Variants in UBE3D observed in about 807,000 individuals in gnomAD.
The protein encoded by UBE3D is E3 ubiquitin-protein ligase E3D.
In UBE3D, 48 loss-of-function variants were observed where a neutral mutation model predicts 49.6. That is an observed-to-expected ratio of 0.97 (90% confidence interval 0.77 to 1.23). UBE3D has a LOEUF of 1.23. UBE3D is among the 50% of genes most tolerant of loss of function. UBE3D has a pLI of 0.00. For synonymous variants in UBE3D, 189 were observed against 174.2 expected (o/e 1.08, Z -0.67); for missense variants, 452 against 468.4 (o/e 0.96, Z 0.32).
At chr6:83,007,227 T>A (rs1780039448) in intron 8 of UBE3D, among the ~76,000 whole-genome samples, 1 of 152,202 alleles carries the variant, frequency 6.6e-6, no homozygotes, top group South Asian at 2.1e-4. Flanking sequence ...CATTTCATCA[T>A]CATTTTTCCT....
At chr6:82,950,870 C>CA (rs1415475250) in intron 9 of UBE3D, among the ~76,000 whole-genome samples, 1 of 152,004 alleles carries the variant, frequency 6.6e-6, no homozygotes, top group Non-Finnish European at 1.5e-5. Flanking sequence ...ACAAACTTTG[C>CA]ATGTTCTCAC....
intron 9 of UBE3D, among the ~76,000 whole-genome samples, chr6:82,901,137 G>T (rs558799153): frequency 6.6e-6 from 1 of 152,156 alleles, no homozygotes; most frequent in African/African-American, 2.4e-5. Context: ...GGACAATTCC[G>T]TATAGCTGTT....
chr6:82,970,114 GATATA>G (rs987236406), intron 8 of UBE3D, among the ~76,000 whole-genome samples: 17 of 147,772 alleles, frequency 1.2e-4, no homozygotes, highest in African/African-American at 1.2e-4. Context: ...AATAGAACAT[GATATA>G]ATATACTAGA....
intron 3 of UBE3D, among the ~76,000 whole-genome samples, chr6:83,048,478 A>AC: frequency 6.6e-6 from 1 of 152,206 alleles, no homozygotes; most frequent in East Asian, 1.9e-4. Flanking sequence ...CAATAAACAA[A>AC]CCCTCAATAC....
intron 9 of UBE3D, among the ~76,000 whole-genome samples, chr6:82,957,041 A>G (rs1365309742): frequency 6.6e-6 from 1 of 152,058 alleles, no homozygotes; most frequent in Non-Finnish European, 1.5e-5. Context: ...AGGCATGAGA[A>G]TTGCTTAAAC....
In UBE3D at chr6:83,065,766, C is replaced by A; in HGVS notation, c.-48G>T. On this transcript the variant is annotated 5_prime_UTR_variant, in exon 1 of 10. Coordinates refer to ENST00000369747, the MANE Select transcript of UBE3D (RefSeq NM_198920.3). Reference sequence around the variant, plus strand: ...GGACCAAGCTGGAGGTTCCGAGGGGCCCGGGTCAACAGGACCAGGAGAGGT... The same window carrying A: ...GGACCAAGCTGGAGGTTCCGAGGGGACCGGGTCAACAGGACCAGGAGAGGT... The A allele has an allele frequency of 6.4e-7, 1 of 1,556,830 alleles. No homozygotes were observed. Among genetic ancestry groups the A allele is most frequent in the East Asian group, 2.4e-5 (1 of 41,850 alleles).
intron 8 of UBE3D, among the ~76,000 whole-genome samples, chr6:83,006,335 G>T (rs538181778): frequency 1.3e-5 from 2 of 152,262 alleles, no homozygotes; most frequent in South Asian, 4.2e-4. Context: ...TTTGGAGATA[G>T]GACCCTGCTT....
At chr6:83,061,208 C>T (rs1339351364) in intron 1 of UBE3D, among the ~76,000 whole-genome samples, 1 of 152,134 alleles carries the variant, frequency 6.6e-6, no homozygotes, top group South Asian at 2.1e-4. Context: ...AATGATTGTA[C>T]TATCATCTTG....
intron 9 of UBE3D, among the ~76,000 whole-genome samples, chr6:82,914,795 G>C (rs888547682): frequency 6.6e-6 from 1 of 152,146 alleles, no homozygotes; most frequent in Non-Finnish European, 1.5e-5. Context: ...GATACCTTTT[G>C]CTTCCCAACA....
chr6:82,999,958 CCT>C (rs1340758374), intron 8 of UBE3D, among the ~76,000 whole-genome samples: 1 of 152,186 alleles, frequency 6.6e-6, no homozygotes, highest in Non-Finnish European at 1.5e-5. Flanking sequence ...TCTTACCTGA[CCT>C]CTCTCTCAGC....
chr6:83,032,793 T>C (rs954526357), intron 5 of UBE3D, among the ~76,000 whole-genome samples: 5 of 152,146 alleles, frequency 3.3e-5, no homozygotes, highest in African/African-American at 1.2e-4. Flanking sequence ...GTTCTTGTGA[T>C]AGTGAATAAC....
At chr6:83,016,125 T>C (rs1397853392) in intron 8 of UBE3D, among the ~76,000 whole-genome samples, 1 of 152,206 alleles carries the variant, frequency 6.6e-6, no homozygotes, top group Non-Finnish European at 1.5e-5. Context: ...ATTTCAACTC[T>C]TTCTCTACAG....
intron 8 of UBE3D, among the ~76,000 whole-genome samples, chr6:83,014,063 A>G (rs1780529190): frequency 6.6e-6 from 1 of 152,264 alleles, no homozygotes; most frequent in Admixed American, 6.5e-5. Context: ...CAAATCAATG[A>G]CTGCATACCA....
At chr6:82,956,792 C>T (rs746948428) in intron 9 of UBE3D, among the ~76,000 whole-genome samples, 11 of 152,248 alleles carry the variant, frequency 7.2e-5, no homozygotes, top group Admixed American at 1.3e-4. Context: ...TAGACAATTA[C>T]GTAGTCAATT....
intron 9 of UBE3D, among the ~76,000 whole-genome samples, chr6:82,939,788 G>A (rs1392699597): frequency 1.3e-5 from 2 of 152,198 alleles, no homozygotes; most frequent in Admixed American, 6.5e-5. Context: ...CTATCATTAA[G>A]TGATACATGA....
At chr6:82,948,566 G>T (rs1024005395) in intron 9 of UBE3D, among the ~76,000 whole-genome samples, 6 of 151,814 alleles carry the variant, frequency 4.0e-5, no homozygotes, top group Non-Finnish European at 8.8e-5. Flanking sequence ...ATTAAAAAAA[G>T]AAAACTACAA....
At chr6:82,906,136 C>T (rs1004211214) in intron 9 of UBE3D, among the ~76,000 whole-genome samples, 1 of 152,100 alleles carries the variant, frequency 6.6e-6, no homozygotes, top group Non-Finnish European at 1.5e-5. Flanking sequence ...CTAGCTCATA[C>T]ATTTTTTTTT....
chr6:82,905,492 C>T (rs1037413819), intron 9 of UBE3D, among the ~76,000 whole-genome samples: 9 of 152,122 alleles, frequency 5.9e-5, no homozygotes, highest in African/African-American at 2.2e-4. Flanking sequence ...CCCTGTCTTT[C>T]TCCCTCTCCT....
intron 3 of UBE3D, among the ~76,000 whole-genome samples, chr6:83,049,364 G>A (rs551133020): frequency 2.6e-5 from 4 of 152,256 alleles, no homozygotes; most frequent in South Asian, 2.1e-4. Context: ...GACATTCTCT[G>A]ACTGGCAGGC....
Sources: gnomAD v4.1 joint callset for allele counts (sites outside exome capture counted in the v4.1 genomes callset) on GRCh38, gnomAD v4.1.1 for gene constraint, MANE v1.5 for transcripts, NCBI Gene and HGNC (gene_info 2026-07-23, HGNC 2026-07-21) for gene names.